TMPRSS15: variants seen among roughly 807,000 people sequenced by gnomAD.
TMPRSS15 encodes the protein transmembrane serine protease 15, also known as enteropeptidase.
In TMPRSS15, 128 loss-of-function variants were observed where a neutral mutation model predicts 125.3. That is an observed-to-expected ratio of 1.02 (90% CI 0.89 to 1.18). The LOEUF is 1.18. Ranked by LOEUF, TMPRSS15 falls within the 50% of genes most tolerant of loss-of-function variation. The pLI, the probability that TMPRSS15 is intolerant of heterozygous loss-of-function variation, is 0.00. For missense variants in TMPRSS15, 1,283 were observed against 1,212.7 expected (o/e 1.06, Z -0.86); for synonymous variants, 446 against 423.2 (o/e 1.05, Z -0.66).
chr21:18,392,879 A>G (rs1202976232), intron 3 of TMPRSS15, among the ~76,000 whole-genome samples: 1 of 152,094 alleles, frequency 6.6e-6, no homozygotes, highest in Non-Finnish European at 1.5e-5. Flanking sequence ...ATCAGATCTC[A>G]TGAGAACTCA....
chr21:18,416,335 G>A (rs1009399542), intron 1 of TMPRSS15, among the ~76,000 whole-genome samples: 8 of 151,972 alleles, frequency 5.3e-5, no homozygotes, highest in African/African-American at 9.7e-5. Flanking sequence ...CAGAGTAGCC[G>A]AAGAGATCTT....
At chr21:18,333,781 T>G (rs543565370) in intron 13 of TMPRSS15, among the ~76,000 whole-genome samples, 5 of 152,132 alleles carry the variant, frequency 3.3e-5, no homozygotes, top group Admixed American at 6.6e-5. Flanking sequence ...ACACTTTAAG[T>G]AGGTAGATTA....
chr21:18,292,268 A>C (rs888997103), intron 21 of TMPRSS15, among the ~76,000 whole-genome samples: 4 of 152,192 alleles, frequency 2.6e-5, no homozygotes, highest in Non-Finnish European at 5.9e-5. Context: ...AAACTTAAAG[A>C]CAGGGCGTTC....
chr21:18,385,642 T>C (rs1173945274), intron 3 of TMPRSS15, among the ~76,000 whole-genome samples: 4 of 152,200 alleles, frequency 2.6e-5, no homozygotes, highest in Admixed American at 2.6e-4. Context: ...AAAGATAGCG[T>C]AGCAGAAGAA....
rs764089811 is a variant in TMPRSS15 at position 18,344,015 on chromosome 21, C to T, written c.1217G>A (p.Arg406Gln). 21 of 1,613,878 alleles carry T rather than the reference C, an allele frequency of 1.3e-5. No homozygotes were observed. The East Asian group carries it at 1.3e-4, about 10-fold the overall frequency. ...CAAAGGGAGGCTTAAAAGCCCCACTCGTTCTTGTCTCCCTCCTGGTCCAGT... is the reference window on the plus strand; with the variant it reads ...CAAAGGGAGGCTTAAAAGCCCCACTTGTTCTTGTCTCCCTCCTGGTCCAGT... Reference protein sequence around the residue: ...TPTGPGGRQERVGLLSLPLDP... With the variant: ...TPTGPGGRQEQVGLLSLPLDP... Residue 406 changes from arginine to glutamine, a missense_variant, in exon 11 of 25, where the codon CGA (arginine) becomes CAA (glutamine). Physicochemically the swap from Arg to Gln is conservative, Grantham distance 43. Transcript: ENST00000284885.
intron 3 of TMPRSS15, among the ~76,000 whole-genome samples, chr21:18,388,833 G>C (rs1046819470): frequency 2.6e-5 from 4 of 152,084 alleles, no homozygotes; most frequent in African/African-American, 9.7e-5. Context: ...ATTTTTATTA[G>C]CATTTTGAAA....
chr21:18,483,235 G>A (rs1213739780), intron 1 of TMPRSS15, among the ~76,000 whole-genome samples: 1 of 151,754 alleles, frequency 6.6e-6, no homozygotes, highest in Non-Finnish European at 1.5e-5. Flanking sequence ...AGCGCACTGA[G>A]TTCAGATAAA....
chr21:18,305,357 T>G (rs563031232), intron 18 of TMPRSS15, among the ~76,000 whole-genome samples: 48 of 151,890 alleles, frequency 3.2e-4, no homozygotes, highest in South Asian at 2.7e-3. Context: ...CCCGGCTAAT[T>G]TTTTGTATTT....
intron 1 of TMPRSS15, among the ~76,000 whole-genome samples, chr21:18,472,478 T>TACACACAC (rs1412151604): frequency 7.6e-6 from 1 of 131,142 alleles, no homozygotes; most frequent in African/African-American, 2.7e-5. Flanking sequence ...TATATATATA[T>TACACACAC]ATACACACAC....
chr21:18,441,239 G>T (rs899018060), intron 1 of TMPRSS15, among the ~76,000 whole-genome samples: 9 of 151,776 alleles, frequency 5.9e-5, no homozygotes, highest in African/African-American at 2.2e-4. Context: ...GTTGCAGTGA[G>T]CCCTGCACTC....
chr21:18,471,376 A>G (rs1183450155), intron 1 of TMPRSS15, among the ~76,000 whole-genome samples: 2 of 152,078 alleles, frequency 1.3e-5, no homozygotes, highest in East Asian at 1.9e-4. Flanking sequence ...TTTAGTATAT[A>G]GAACTTTTTA....
chr21:18,286,490 C>A (rs2074766863), intron 21 of TMPRSS15, among the ~76,000 whole-genome samples: 1 of 152,190 alleles, frequency 6.6e-6, no homozygotes, highest in Non-Finnish European at 1.5e-5. Flanking sequence ...CACTCTCTTT[C>A]CAATCTGATT....
intron 18 of TMPRSS15, among the ~76,000 whole-genome samples, chr21:18,305,152 G>A (rs536245707): frequency 6.7e-6 from 1 of 148,878 alleles, no homozygotes; most frequent in Admixed American, 6.7e-5. Flanking sequence ...CAATAGGCCA[G>A]AGGTAGGATT....
chr21:18,369,635 AAAAT>A (rs1342463404), intron 6 of TMPRSS15, among the ~76,000 whole-genome samples: 2 of 152,150 alleles, frequency 1.3e-5, no homozygotes, highest in East Asian at 1.9e-4. Context: ...CTGGAGCAAA[AAAAT>A]AAATAAATCA....
At chr21:18,473,033 G>T (rs1477674925) in intron 1 of TMPRSS15, among the ~76,000 whole-genome samples, 2 of 152,066 alleles carry the variant, frequency 1.3e-5, no homozygotes, top group Non-Finnish European at 2.9e-5. Flanking sequence ...TAAGAAATCT[G>T]TTCAAGCTGT....
chr21:18,360,582 C>G (rs1336676664), intron 7 of TMPRSS15, among the ~76,000 whole-genome samples: 2 of 152,074 alleles, frequency 1.3e-5, no homozygotes, highest in East Asian at 3.9e-4. Flanking sequence ...TTAGCACCCT[C>G]GTGGAAGATC....
chr21:18,370,907 A>C (rs1043102909), intron 6 of TMPRSS15, among the ~76,000 whole-genome samples: 6 of 152,192 alleles, frequency 3.9e-5, no homozygotes. Flanking sequence ...GTAACAAATA[A>C]TAGAAAAGTG....
chr21:18,358,171 T>C (rs2075644105), intron 8 of TMPRSS15, among the ~76,000 whole-genome samples: 1 of 151,842 alleles, frequency 6.6e-6, no homozygotes, highest in African/African-American at 2.4e-5. Context: ...AAATAATATT[T>C]AGACAGACCA....
At position 18,326,524 on chromosome 21, in the gene TMPRSS15, T is replaced by C. The variant is rs753862883; in HGVS notation, c.1829A>G (p.Asn610Ser). The change falls in exon 16 of 25, where the codon AAC (asparagine) becomes AGC (serine). Residue 610 changes from asparagine (N) to serine (S), a missense_variant. Asn to Ser is a conservative substitution (Grantham distance 46). Coordinates refer to ENST00000284885, the MANE Select transcript of TMPRSS15 (RefSeq NM_002772.3). ...GPVKDVFSTTNRMTVLLITND... is the reference protein window; with the variant it reads ...GPVKDVFSTTSRMTVLLITND... ...AGTGATGAGAAGCACAGTCATTCTG[T>C]TGGTGGTAGAGAACACATCCTTTAC... 15 of 1,614,144 alleles carry C rather than the reference T, an allele frequency of 9.3e-6. No individual in the cohort carries two copies. The highest frequency in any genetic ancestry group is 1.6e-4 in the Middle Eastern group (1 of 6,062).
Sources: allele counts gnomAD v4.1 joint callset (sites outside exome capture counted in the v4.1 genomes callset), GRCh38; gene constraint gnomAD v4.1.1; transcripts MANE v1.5; gene names NCBI Gene and HGNC (gene_info 2026-07-23, HGNC 2026-07-21).